The following PCDH11X variants were observed in gnomAD, a reference collection of about 807,000 sequenced individuals.
PCDH11X encodes protocadherin 11 X-linked.
PCDH11X carries 18 observed loss-of-function variants against 53.3 expected under a neutral mutation model. The ratio of observed to expected loss-of-function variants is 0.34; its 90% CI spans 0.23 to 0.50. PCDH11X has a LOEUF of 0.50. PCDH11X is among the 20% of genes least tolerant of loss of function. The probability of loss-of-function intolerance (pLI) is 0.98; values close to 1 mark genes in which losing one functional copy is unlikely to be tolerated. For missense variants in PCDH11X, 570 were observed against 1,032.4 expected (o/e 0.55, Z 6.14); for synonymous variants, 279 against 393.3 (o/e 0.71, Z 3.44).
Position 91,992,324 on chromosome X carries a change from A to T in PCDH11X, c.3033+113051A>T, listed in dbSNP as rs1237184426. 5.6e-5 allele frequency among the ~76,000 whole-genome samples: 6 copies of T among 107,932 alleles called. 1 individual carries two copies. The highest frequency in any genetic ancestry group is 4.0e-4 in the Admixed American group (4 of 9,969). 93.7% of individuals were successfully genotyped at this position (107,932 alleles called of 115,157 possible). ...ACACTACTGTAGTCGCTTCAGTCAT[A>T]AATGCTGACCCCTTGAGCTCACTGA... On this transcript the variant is annotated intron_variant, in intron 6 of 10. Transcript: ENST00000682573.
intron 8 of PCDH11X, among the ~76,000 whole-genome samples, chrX:92,284,291 G>A (rs925729366): frequency 1.8e-5 from 2 of 109,157 alleles, no homozygotes; most frequent in Non-Finnish European, 3.8e-5. Context: ...CTAAAGTTCT[G>A]CTTCCTAATT....
At chrX:92,321,349 T>G (rs1348511485) in intron 8 of PCDH11X, among the ~76,000 whole-genome samples, 1 of 108,134 alleles carries the variant, frequency 9.2e-6, no homozygotes, top group Non-Finnish European at 1.9e-5. Flanking sequence ...CCTGCCACCA[T>G]GCCCAGCTAA....
At chrX:92,215,848 G>C (rs972766430) in intron 7 of PCDH11X, among the ~76,000 whole-genome samples, 1 of 108,251 alleles carries the variant, frequency 9.2e-6, no homozygotes, top group Non-Finnish European at 1.9e-5. Context: ...GTACTCCTCT[G>C]AGACAAAACT....
At chrX:92,118,034 A>C (rs1201137497) in intron 6 of PCDH11X, among the ~76,000 whole-genome samples, 1 of 111,775 alleles carries the variant, frequency 8.9e-6, no homozygotes, top group Non-Finnish European at 1.9e-5. Context: ...TGTCAAATGT[A>C]TTTATGGTCA....
intron 7 of PCDH11X, among the ~76,000 whole-genome samples, chrX:92,259,884 A>G (rs2067677479): frequency 9.0e-6 from 1 of 111,511 alleles, no homozygotes; most frequent in Admixed American, 9.5e-5. Context: ...GTCTAGAAAT[A>G]TTGCTGGGGA....
intron 6 of PCDH11X, among the ~76,000 whole-genome samples, chrX:91,932,865 T>G (rs1302012179): frequency 9.0e-6 from 1 of 111,357 alleles, no homozygotes; most frequent in African/African-American, 3.3e-5. Flanking sequence ...ACAAGTAGCA[T>G]TTCGAATAAG....
chrX:91,805,287 C>A (rs1326141064), intron 1 of PCDH11X, among the ~76,000 whole-genome samples: 1 of 110,488 alleles, frequency 9.1e-6, no homozygotes, highest in African/African-American at 3.3e-5. Flanking sequence ...AATTCATCAT[C>A]CAATCTTCTG....
chrX:92,439,886 G>A (rs1200319305), intron 9 of PCDH11X, among the ~76,000 whole-genome samples: 4 of 82,624 alleles, frequency 4.8e-5, no homozygotes, highest in African/African-American at 1.5e-4. Flanking sequence ...ACCACAAGAT[G>A]TTATAAATTA....
intron 5 of PCDH11X, among the ~76,000 whole-genome samples, chrX:91,872,563 A>G (rs868004101): frequency 8.1e-5 from 9 of 110,832 alleles, no homozygotes; most frequent in African/African-American, 2.6e-4. Context: ...CCCTACACTC[A>G]CATTATTTAG....
chrX:92,024,737 A>T (rs1602703849), intron 6 of PCDH11X, among the ~76,000 whole-genome samples: 1 of 100,658 alleles, frequency 9.9e-6, no homozygotes, highest in East Asian at 3.2e-4. Flanking sequence ...AAAAAAAAAA[A>T]CAAAACAAAA....
intron 6 of PCDH11X, among the ~76,000 whole-genome samples, chrX:92,042,872 C>A (rs2063231517): frequency 1.8e-5 from 2 of 108,837 alleles, no homozygotes. Flanking sequence ...AACTCCTGAC[C>A]TCGTCATCCA....
chrX:92,100,312 T>C (rs1442136818), intron 6 of PCDH11X, among the ~76,000 whole-genome samples: 2 of 111,152 alleles, frequency 1.8e-5, no homozygotes, highest in Non-Finnish European at 3.8e-5. Context: ...TTCACCTGGG[T>C]GCAGGCGGGC....
intron 7 of PCDH11X, among the ~76,000 whole-genome samples, chrX:92,223,529 G>C (rs1037685463): frequency 4.5e-5 from 5 of 111,790 alleles, no homozygotes; most frequent in African/African-American, 1.6e-4. Flanking sequence ...TCATTGCCAG[G>C]TACAACCATC....
intron 6 of PCDH11X, among the ~76,000 whole-genome samples, chrX:92,009,677 T>C (rs1435258976): frequency 9.5e-6 from 1 of 105,352 alleles, no homozygotes; most frequent in East Asian, 3.0e-4. Flanking sequence ...CCAGGCCCCT[T>C]GATAAAAAAC....
At chrX:91,782,991 G>C (rs959443175) in intron 1 of PCDH11X, among the ~76,000 whole-genome samples, 1 of 111,661 alleles carries the variant, frequency 9.0e-6, no homozygotes, top group Non-Finnish European at 1.9e-5. Context: ...CTGGCGCCTG[G>C]AGCAGAATTA....
chrX:91,946,538 G>A (rs1397556307), intron 6 of PCDH11X, among the ~76,000 whole-genome samples: 2 of 68,126 alleles, frequency 2.9e-5, no homozygotes, highest in African/African-American at 1.2e-4. Context: ...GTTTGAATTT[G>A]GATTCAAACC....
intron 4 of PCDH11X, among the ~76,000 whole-genome samples, chrX:91,823,949 GAT>G (rs1297798819): frequency 9.1e-6 from 1 of 110,228 alleles, no homozygotes; most frequent in Non-Finnish European, 1.9e-5. Context: ...AGTTTGGCTG[GAT>G]ATGAAATTCT....
intron 8 of PCDH11X, among the ~76,000 whole-genome samples, chrX:92,295,909 A>T (rs2068598003): frequency 9.2e-6 from 1 of 108,911 alleles, no homozygotes; most frequent in Non-Finnish European, 1.9e-5. Context: ...GTGAAACCTC[A>T]TCTCTACTAA....
intron 1 of PCDH11X, among the ~76,000 whole-genome samples, chrX:91,809,163 A>T (rs1031608290): frequency 4.5e-5 from 5 of 110,630 alleles, no homozygotes; most frequent in African/African-American, 1.6e-4. Context: ...AAAGCTTTGG[A>T]CTATTTCCTC....
Sources: gnomAD v4.1 joint callset for allele counts (sites outside exome capture counted in the v4.1 genomes callset) on GRCh38, gnomAD v4.1.1 for gene constraint, MANE v1.5 for transcripts, NCBI Gene and HGNC (gene_info 2026-07-23, HGNC 2026-07-21) for gene names.